Variants in ACOT1 observed in about 807,000 individuals in gnomAD.
The protein encoded by ACOT1 is acyl-coenzyme A thioesterase 1.
ACOT1 carries 8 observed loss-of-function variants against 15.7 expected under a neutral mutation model. That is an observed-to-expected ratio of 0.51 (90% CI 0.30 to 0.92). ACOT1 has a LOEUF of 0.92. Ranked by LOEUF, ACOT1 falls within the 40% of genes least tolerant of loss-of-function variation. The pLI, the probability that ACOT1 is intolerant of heterozygous loss-of-function variation, is 0.06. For synonymous variants in ACOT1, 67 were observed against 241.2 expected, an observed-to-expected ratio of 0.28 and a Z score of 6.69; for missense variants, 151 against 539.4, an observed-to-expected ratio of 0.28 and a Z score of 7.13.
In ACOT1 at chr14:73,542,449, G is replaced by A. The variant is rs956202377; in HGVS notation, c.661-601G>A. Among the ~76,000 whole-genome samples the A allele has an allele frequency of 5.1e-5, 5 of 97,958 alleles. 1 individual carries two copies. The highest frequency in any genetic ancestry group is 5.4e-3 in the Middle Eastern group (1 of 184). The allele number at this position is 97,958 out of a possible 152,430, so 64.3% of individuals were successfully genotyped here. A position where few individuals can be genotyped will look rare whatever the true frequency, so the allele number is the denominator to read the frequency against. ...AGACGGAGTCTTGCCGTGTCAACGAGGCTGGAGTGCAGTGGCATGATCTCG... is the reference window on the plus strand; with the variant it reads ...AGACGGAGTCTTGCCGTGTCAACGAAGCTGGAGTGCAGTGGCATGATCTCG... On this transcript the variant is annotated intron_variant, in intron 2 of 2. Transcript: ENST00000311148.
At chr14:73,507,804 G>T in the ACOT1 span, among the ~76,000 whole-genome samples, 3 of 152,172 alleles carry the variant, frequency 2.0e-5, no homozygotes, top group African/African-American at 4.8e-5. Context: ...GTGTAGTGGC[G>T]TGATCTCAGC....
chr14:73,497,808 T>C, the ACOT1 span, among the ~76,000 whole-genome samples: 2 of 152,194 alleles, frequency 1.3e-5, no homozygotes, highest in East Asian at 3.9e-4. Flanking sequence ...GTATTTTTAG[T>C]AGAGACAGGG....
At chr14:73,495,285 G>C in the ACOT1 span, 1 of 1,614,010 alleles carries the variant, frequency 6.2e-7, no homozygotes, top group South Asian at 1.1e-5. Flanking sequence ...TCTCCTTTGG[G>C]TTTCAAGTAA....
At chr14:73,509,204 T>C in the ACOT1 span, 1 of 1,093,686 alleles carries the variant, frequency 9.1e-7, no homozygotes, top group Non-Finnish European at 1.4e-6. Flanking sequence ...CTAAACCCAA[T>C]ACAGCAGACA....
At chr14:73,540,268 A>C (rs142395632) in intron 1 of ACOT1, among the ~76,000 whole-genome samples, 822 of 151,138 alleles carry the variant, frequency 5.4e-3, no homozygotes, top group African/African-American at 0.019. Context: ...AAGCCATTGC[A>C]GATGAGCAGT....
the ACOT1 span, chr14:73,514,042 G>T: frequency 1.0e-4 from 167 of 1,614,094 alleles, 1 homozygote; most frequent in Middle Eastern, 1.5e-3. Context: ...CAGAGCCCAG[G>T]CAGTCTTCCA....
At chr14:73,491,467 C>T in the ACOT1 span, 2 of 1,481,078 alleles carry the variant, frequency 1.4e-6, no homozygotes, top group South Asian at 1.3e-5. Flanking sequence ...CCCTGCTGTG[C>T]ACCGCGCAAC....
the ACOT1 span, among the ~76,000 whole-genome samples, chr14:73,527,003 G>T: frequency 1.3e-5 from 2 of 152,094 alleles, no homozygotes; most frequent in African/African-American, 4.8e-5. Flanking sequence ...GGTAACCGGG[G>T]AATTTTCCCT....
chr14:73,499,246 C>G, the ACOT1 span: 133 of 947,282 alleles, frequency 1.4e-4, 2 homozygotes, highest in East Asian at 3.2e-3. Flanking sequence ...TTTGGGATGC[C>G]AAGGTGGGCG....
the ACOT1 span, among the ~76,000 whole-genome samples, chr14:73,504,772 A>C: frequency 2.6e-5 from 4 of 152,174 alleles, no homozygotes; most frequent in Non-Finnish European, 5.9e-5. Flanking sequence ...GCTATTCTGG[A>C]GATATCCAAA....
At chr14:73,511,560 T>TAAATAAAAA in the ACOT1 span, among the ~76,000 whole-genome samples, 4 of 88,966 alleles carry the variant, frequency 4.5e-5, no homozygotes, top group Non-Finnish European at 1.0e-4. Flanking sequence ...AATAAATAAA[T>TAAATAAAAA]AAATAAAATA....
At chr14:73,541,841 T>A (rs1889098131) in intron 2 of ACOT1, 146 bp downstream of exon 2, 1 of 581,850 alleles carries the variant, frequency 1.7e-6, no homozygotes, top group Admixed American at 4.0e-5. Flanking sequence ...TATAGACAGT[T>A]TCTTTCTTTC....
the ACOT1 span, chr14:73,498,377 G>A: frequency 3.9e-6 from 6 of 1,536,802 alleles, no homozygotes; most frequent in Non-Finnish European, 5.3e-6. Context: ...TGTCACTGAA[G>A]ACTGAGCTTA....
At chr14:73,538,694 C>A (rs1888966313) in intron 1 of ACOT1, among the ~76,000 whole-genome samples, 1 of 103,826 alleles carries the variant, frequency 9.6e-6, no homozygotes, top group Non-Finnish European at 2.1e-5. Flanking sequence ...ACAAAAAAAA[C>A]AGGCCGGACG....
At chr14:73,520,998 A>T in the ACOT1 span, 2 of 1,613,744 alleles carry the variant, frequency 1.2e-6, no homozygotes, top group Non-Finnish European at 1.7e-6. Flanking sequence ...GTTGCCAGGC[A>T]TGATCTCAAC....
the ACOT1 span, chr14:73,520,809 C>A: frequency 6.4e-7 from 1 of 1,554,938 alleles, no homozygotes; most frequent in Non-Finnish European, 8.8e-7. Flanking sequence ...CTTCCTGGCC[C>A]ATGTCCCCGT....
upstream of ACOT1, chr14:73,537,129 T>TG (rs1343528559): frequency 1.3e-5 from 4 of 311,594 alleles, 2 homozygotes; most frequent in East Asian, 9.2e-4. Flanking sequence ...GACGAACCAG[T>TG]CCTGGCCCAG....
At chr14:73,529,354 C>CAAAAA in the ACOT1 span, among the ~76,000 whole-genome samples, 15 of 87,408 alleles carry the variant, frequency 1.7e-4, no homozygotes, top group East Asian at 1.9e-3. Context: ...GACTCTGTCT[C>CAAAAA]AAAAAAAAAA....
chr14:73,536,146 A>G (rs1463942506), upstream of ACOT1, among the ~76,000 whole-genome samples: 1 of 114,924 alleles, frequency 8.7e-6, no homozygotes, highest in African/African-American at 2.8e-5. Context: ...GAAAGAGATA[A>G]AAAGGCTTAC....
Sources: allele counts gnomAD v4.1 joint callset (sites outside exome capture counted in the v4.1 genomes callset), GRCh38; gene constraint gnomAD v4.1.1; transcripts MANE v1.5; gene names NCBI Gene and HGNC (gene_info 2026-07-23, HGNC 2026-07-21).